The following CCDC175 variants were observed in gnomAD, a reference collection of about 807,000 sequenced individuals.
CCDC175 encodes the protein coiled-coil domain containing 175, also known as coiled-coil domain-containing protein 175.
Under a neutral mutation model 114.6 loss-of-function variants are expected in CCDC175, and 100 were observed. The ratio of observed to expected loss-of-function variants is 0.87; its 90% CI spans 0.74 to 1.03. The LOEUF (loss-of-function observed/expected upper bound fraction) is 1.03, where lower values mean the gene tolerates loss of function less well. CCDC175 is among the 50% of genes least tolerant of loss of function. The probability of loss-of-function intolerance (pLI) is 0.00; values close to 1 mark genes in which losing one functional copy is unlikely to be tolerated. For missense variants in CCDC175, 880 were observed against 917.8 expected (o/e 0.96, Z 0.53); for synonymous variants, 306 against 308.7 (o/e 0.99, Z 0.09).
In CCDC175 at chr14:59,545,259, T is replaced by C. The variant is rs1566618647; in HGVS notation, c.1076A>G (p.Asp359Gly). 5 of 1,536,876 alleles carry C rather than the reference T, an allele frequency of 3.3e-6. No homozygotes were observed. Among genetic ancestry groups the C allele is most frequent in the Non-Finnish European group, 4.4e-6 (5 of 1,146,654 alleles). The change falls in exon 9 of 20, where the codon GAC becomes GGC. Residue 359 changes from aspartate to glycine, a missense_variant. Coordinates refer to ENST00000537690, the MANE Select transcript of CCDC175 (RefSeq NM_001164399.2). ...TLHAARMEYK[D>G]LREKMKTLAR... Reference sequence around the variant, plus strand: ...AAGAGTTTTCATTTTCTCTCGTAGGTCTTTGTATTCCATACGAGCAGCATG... The same window carrying C: ...AAGAGTTTTCATTTTCTCTCGTAGGCCTTTGTATTCCATACGAGCAGCATG...
At chr14:59,567,063 C>T (rs574774189) in intron 4 of CCDC175, among the ~76,000 whole-genome samples, 1 of 152,296 alleles carries the variant, frequency 6.6e-6, no homozygotes, top group East Asian at 1.9e-4. Context: ...CCAGATGATT[C>T]TGATGCAAGC....
chr14:59,532,800 C>T lies in CCDC175; in HGVS notation c.1624-890G>A, dbSNP rs975649446. 2.0e-5 allele frequency among the ~76,000 whole-genome samples: 3 copies of T among 152,184 alleles called. No homozygotes were observed. The South Asian group carries it at 6.2e-4, about 31-fold the overall frequency. ...GAGCCACCCTGCCAGCCCTGGACCC[C>T]TTCCCTATGGCCTGGACTGGGAAAG... is the stretch of plus-strand genomic sequence containing the variant. On this transcript the variant is annotated intron_variant, in intron 13 of 19. Coordinates refer to ENST00000537690, the MANE Select transcript of CCDC175 (RefSeq NM_001164399.2).
intron 17 of CCDC175, among the ~76,000 whole-genome samples, chr14:59,517,124 T>C (rs1893138245): frequency 6.6e-6 from 1 of 152,190 alleles, no homozygotes; most frequent in South Asian, 2.1e-4. Flanking sequence ...CAACAGCCCT[T>C]CATGCTAAAA....
At chr14:59,540,617 T>C in intron 11 of CCDC175, 58 bp downstream of exon 11, 11 of 1,478,028 alleles carry the variant, frequency 7.4e-6, no homozygotes, top group Non-Finnish European at 9.0e-6. Flanking sequence ...TAAGATAACA[T>C]ATACTGCTGA....
At chr14:59,547,754 CAGAAG>C (rs2140059441) in intron 8 of CCDC175, among the ~76,000 whole-genome samples, 1 of 152,130 alleles carries the variant, frequency 6.6e-6, no homozygotes, top group African/African-American at 2.4e-5. Flanking sequence ...TCAATGGTAA[CAGAAG>C]AGAATAGTCT....
At chr14:59,565,015 T>C (rs758133385) in intron 5 of CCDC175, 32 bp downstream of exon 5, 6 of 1,380,964 alleles carry the variant, frequency 4.3e-6, no homozygotes, top group South Asian at 2.6e-5. Context: ...CTATACATTA[T>C]TGTATTTTAA....
chr14:59,528,661 T>A, intron 14 of CCDC175, among the ~76,000 whole-genome samples: 1 of 152,244 alleles, frequency 6.6e-6, no homozygotes, highest in Middle Eastern at 3.4e-3. Flanking sequence ...AATGTAAGCA[T>A]TATTCACTGA....
intron 1 of CCDC175, 102 bp downstream of exon 1, chr14:59,576,517 C>T: frequency 8.7e-7 from 1 of 1,155,386 alleles, no homozygotes; most frequent in Non-Finnish European, 1.1e-6. Context: ...CCAGTGATGC[C>T]CTGGTTCCGG....
At chr14:59,562,973 C>T (rs920179815) in intron 6 of CCDC175, among the ~76,000 whole-genome samples, 5 of 152,076 alleles carry the variant, frequency 3.3e-5, no homozygotes, top group African/African-American at 9.7e-5. Context: ...AGCAGAACCA[C>T]CCCATATAAA....
At chr14:59,524,661 G>A (rs1893637379) in intron 16 of CCDC175, among the ~76,000 whole-genome samples, 1 of 152,130 alleles carries the variant, frequency 6.6e-6, no homozygotes, top group African/African-American at 2.4e-5. Flanking sequence ...CTGGTAGTAT[G>A]TACTAAAGTT....
intron 8 of CCDC175, 66 bp from the exon 9 acceptor site, chr14:59,545,365 C>A: frequency 6.9e-7 from 1 of 1,451,594 alleles, no homozygotes; most frequent in Non-Finnish European, 9.2e-7. Context: ...CCATCTGCAT[C>A]AGGTGGCAAC....
chr14:59,527,286 C>T, intron 14 of CCDC175, 112 bp from the exon 15 acceptor site: 1 of 579,340 alleles, frequency 1.7e-6, no homozygotes, highest in South Asian at 2.6e-5. Flanking sequence ...ATAACAAAAA[C>T]CAACTGTCAG....
At chr14:59,513,391 AG>A (rs144094612) in intron 17 of CCDC175, among the ~76,000 whole-genome samples, 17,742 of 152,144 alleles carry the variant, frequency 0.12, 1,202 homozygotes, top group African/African-American at 0.18. Flanking sequence ...GGGAAGTGGA[AG>A]GGGTCAGGGA....
intron 13 of CCDC175, among the ~76,000 whole-genome samples, chr14:59,537,428 T>C (rs1894466503): frequency 6.6e-6 from 1 of 152,166 alleles, no homozygotes; most frequent in Non-Finnish European, 1.5e-5. Flanking sequence ...CCAAGACCTC[T>C]TCTTCATTTT....
intron 11 of CCDC175, among the ~76,000 whole-genome samples, chr14:59,539,430 A>G (rs1180498401): frequency 6.6e-6 from 1 of 151,956 alleles, no homozygotes; most frequent in Non-Finnish European, 1.5e-5. Flanking sequence ...ATACAAACAA[A>G]TTAGCCAGGT....
chr14:59,515,366 A>T (rs1425988059), intron 17 of CCDC175, among the ~76,000 whole-genome samples: 3 of 152,174 alleles, frequency 2.0e-5, no homozygotes, highest in Non-Finnish European at 4.4e-5. Flanking sequence ...AAAGACACAG[A>T]CTGGCAAATT....
At chr14:59,541,123 G>C (rs1297757930) in intron 10 of CCDC175, among the ~76,000 whole-genome samples, 1 of 152,164 alleles carries the variant, frequency 6.6e-6, no homozygotes, top group Admixed American at 6.5e-5. Flanking sequence ...AGCAAGTCAG[G>C]CCTCTGCTAT....
At chr14:59,560,100 A>G (rs907349633) in intron 7 of CCDC175, among the ~76,000 whole-genome samples, 4 of 152,082 alleles carry the variant, frequency 2.6e-5, no homozygotes, top group Non-Finnish European at 5.9e-5. Context: ...TAGTTGTGGT[A>G]TTAATTGAGC....
At chr14:59,565,404 T>C (rs190851130) in intron 4 of CCDC175, 129 bp from the exon 5 acceptor site, 8 of 816,252 alleles carry the variant, frequency 9.8e-6, no homozygotes. Flanking sequence ...GTGTTTATGA[T>C]TGTCTAAACT....
Sources: allele counts gnomAD v4.1 joint callset (sites outside exome capture counted in the v4.1 genomes callset), GRCh38; gene constraint gnomAD v4.1.1; transcripts MANE v1.5; gene names NCBI Gene and HGNC (gene_info 2026-07-23, HGNC 2026-07-21).